Variants in ZNF469 observed in about 807,000 individuals in gnomAD.
ZNF469 encodes the protein zinc finger protein 469.
ZNF469 carries 1 observed loss-of-function variant against 1.0 expected under a neutral mutation model. The observed-to-expected ratio is 1.00, with a 90% confidence interval of 0.35 to 4.73. ZNF469 has a LOEUF of 4.73. ZNF469 is among the 30% of genes most tolerant of loss of function. The pLI, the probability that ZNF469 is intolerant of heterozygous loss-of-function variation, is 0.16. For missense variants in ZNF469, 6,100 were observed against 5,356.3 expected (o/e 1.14, Z -4.33); for synonymous variants, 2,703 against 2,363.4 (o/e 1.14, Z -4.17).
the ZNF469 span, among the ~76,000 whole-genome samples, chr16:88,249,732 G>A: frequency 2.6e-5 from 4 of 152,064 alleles, no homozygotes; most frequent in South Asian, 4.2e-4. Flanking sequence ...CACCACGCCC[G>A]GCCAATTTTT....
intron 1 of ZNF469, among the ~76,000 whole-genome samples, chr16:88,411,415 T>G (rs1905157809): frequency 7.2e-6 from 1 of 138,960 alleles, no homozygotes. Context: ...CCAGGAGGTG[T>G]GTATGCTTGG....
At chr16:88,188,847 G>A in the ZNF469 span, among the ~76,000 whole-genome samples, 3 of 152,108 alleles carry the variant, frequency 2.0e-5, no homozygotes, top group Non-Finnish European at 4.4e-5. Flanking sequence ...GAGGAGCACA[G>A]CCTTAGATGC....
In ZNF469 at chr16:88,430,121, C is replaced by T. The variant is rs1306748524; in HGVS notation, c.2651C>T (p.Pro884Leu). 7 of 1,550,254 alleles carry T rather than the reference C, an allele frequency of 4.5e-6. No homozygotes were observed. The highest frequency in any genetic ancestry group is 2.0e-5 in the Admixed American group (1 of 51,016). The change falls in exon 3 of 3, where the codon CCC becomes CTC. Residue 884 changes from proline to leucine, a missense_variant. Pro to Leu is a moderately conservative substitution (Grantham distance 98). Coordinates refer to ENST00000565624, the MANE Select transcript of ZNF469 (RefSeq NM_001367624.2). ...SGPRGPSSGH[P>L]LKSKAGVTPE... ...CCCAGAGGTCCCAGCTCCGGACACC[C>T]CCTTAAGAGCAAGGCGGGGGTGACT...
rs1441419863 is a variant in ZNF469 at position 88,439,376 on chromosome 16, C to G, written c.*44C>G. The G allele has an allele frequency of 6.5e-7, 1 of 1,547,286 alleles. No individual in the cohort carries two copies. Among genetic ancestry groups the G allele is most frequent in the South Asian group, 1.2e-5 (1 of 83,628 alleles). ...TGGGACCGGAGCTGGGCGTTCCTGT[C>G]TCGGCCTGCCTCCTTGGCCAGCTCC... On this transcript the variant is annotated 3_prime_UTR_variant, in exon 3 of 3. Coordinates refer to ENST00000565624, the MANE Select transcript of ZNF469 (RefSeq NM_001367624.2).
the ZNF469 span, among the ~76,000 whole-genome samples, chr16:88,249,050 A>T: frequency 1.3e-5 from 2 of 152,094 alleles, no homozygotes; most frequent in South Asian, 4.2e-4. Flanking sequence ...CTGCACACAC[A>T]TGTCTATGCG....
the ZNF469 span, among the ~76,000 whole-genome samples, chr16:88,171,620 A>G: frequency 1.3e-5 from 2 of 152,174 alleles, no homozygotes; most frequent in African/African-American, 4.8e-5. Context: ...AATAGTCCCA[A>G]ATGTTAGCTT....
chr16:88,109,333 C>T, the ZNF469 span, among the ~76,000 whole-genome samples: 1 of 152,228 alleles, frequency 6.6e-6, no homozygotes, highest in Admixed American at 6.5e-5. Context: ...GCCCACTTTC[C>T]ACACCCCTGC....
At chr16:88,380,369 A>C (rs985127806), upstream of ZNF469, among the ~76,000 whole-genome samples, 7 of 136,596 alleles carry the variant, frequency 5.1e-5, 1 homozygote, top group African/African-American at 2.2e-4. Context: ...ACACACAGAC[A>C]TGCACTCACA....
the ZNF469 span, among the ~76,000 whole-genome samples, chr16:88,225,958 T>G: frequency 1.3e-5 from 2 of 151,990 alleles, no homozygotes; most frequent in African/African-American, 2.4e-5. Flanking sequence ...CCTGGCTGTC[T>G]CAGGACACCC....
At chr16:88,296,614 TCA>T in the ZNF469 span, among the ~76,000 whole-genome samples, 5 of 149,724 alleles carry the variant, frequency 3.3e-5, no homozygotes, top group African/African-American at 1.2e-4. Context: ...ACAGACATGC[TCA>T]CACTCATGCA....
the ZNF469 span, among the ~76,000 whole-genome samples, chr16:88,290,100 G>A: frequency 6.6e-6 from 1 of 152,232 alleles, no homozygotes; most frequent in Non-Finnish European, 1.5e-5. Flanking sequence ...TGAGCTGTCT[G>A]TAGCTCAGTC....
intron 1 of ZNF469, among the ~76,000 whole-genome samples, chr16:88,402,538 C>A (rs1904911505): frequency 6.6e-6 from 1 of 152,082 alleles, no homozygotes; most frequent in African/African-American, 2.4e-5. Context: ...GACAGTGTGT[C>A]CCTGCAGGGG....
At chr16:88,328,042 C>T in the ZNF469 span, among the ~76,000 whole-genome samples, 3 of 152,346 alleles carry the variant, frequency 2.0e-5, no homozygotes, top group South Asian at 2.1e-4. Context: ...CCGGCACACA[C>T]GGCGACTCCC....
the ZNF469 span, among the ~76,000 whole-genome samples, chr16:88,129,828 A>G: frequency 6.6e-5 from 10 of 152,252 alleles, no homozygotes; most frequent in Non-Finnish European, 1.5e-4. Flanking sequence ...ATTGCACTTC[A>G]GCAGCCTGGG....
chr16:88,199,494 C>T, the ZNF469 span, among the ~76,000 whole-genome samples: 1 of 152,232 alleles, frequency 6.6e-6, no homozygotes, highest in African/African-American at 2.4e-5. Context: ...GATCTGAGGA[C>T]TCTGCTCCCA....
chr16:88,315,668 C>T, the ZNF469 span, among the ~76,000 whole-genome samples: 1 of 152,176 alleles, frequency 6.6e-6, no homozygotes, highest in East Asian at 1.9e-4. Context: ...CGTGCGTCTG[C>T]CTGTGCAGAA....
chr16:88,436,095 G>A lies in ZNF469; in HGVS notation c.8625G>A (p.Pro2875=), dbSNP rs138771545. Residue 2875 remains proline (P), a synonymous_variant, in exon 3 of 3, where the codon CCG becomes CCA. Transcript: ENST00000565624. ...PGGRLTRKRN[P]HVYGKRCEKP... ...GTCGCTTGACTAGAAAGAGGAACCC[G>A]CATGTCTACGGGAAGCGCTGTGAGA... The A allele has an allele frequency of 1.3e-3, 2,070 of 1,549,716 alleles. 20 individuals are homozygous for A. In the African/African-American group the frequency reaches 0.025, roughly 18 times the overall value.
the ZNF469 span, among the ~76,000 whole-genome samples, chr16:88,377,702 C>A: frequency 6.6e-6 from 1 of 151,906 alleles, no homozygotes; most frequent in Non-Finnish European, 1.5e-5. Flanking sequence ...CCTCCCTCCT[C>A]TCTCCCACTC....
chr16:88,158,425 G>T, the ZNF469 span, among the ~76,000 whole-genome samples: 2 of 152,168 alleles, frequency 1.3e-5, no homozygotes, highest in Non-Finnish European at 1.5e-5. Context: ...ATCTGGGGGT[G>T]CTGTGGACCC....
Sources: allele counts gnomAD v4.1 joint callset (sites outside exome capture counted in the v4.1 genomes callset), GRCh38; gene constraint gnomAD v4.1.1; transcripts MANE v1.5; gene names NCBI Gene and HGNC (gene_info 2026-07-23, HGNC 2026-07-21).